Variants in LDB2 observed in about 807,000 individuals in gnomAD.
The protein encoded by LDB2 is LIM domain-binding protein 2.
LDB2 carries 12 observed loss-of-function variants against 44.3 expected under a neutral mutation model. The ratio of observed to expected loss-of-function variants is 0.27; its 90% CI spans 0.17 to 0.44. The LOEUF (loss-of-function observed/expected upper bound fraction) is 0.44, where lower values mean the gene tolerates loss of function less well. Among genes scored for constraint, LDB2 ranks in the 20% least tolerant of loss-of-function variants. LDB2 has a pLI of 1.00. For synonymous variants in LDB2, 164 were observed against 174.8 expected, an observed-to-expected ratio of 0.94 and a Z score of 0.49; for missense variants, 344 against 473.5, an observed-to-expected ratio of 0.73 and a Z score of 2.54.
At chr4:16,750,602 C>T (rs1223567989) in intron 2 of LDB2, among the ~76,000 whole-genome samples, 6 of 152,152 alleles carry the variant, frequency 3.9e-5, no homozygotes, top group Non-Finnish European at 7.3e-5. Context: ...CATGCTCACA[C>T]CACATTGTAG....
intron 2 of LDB2, among the ~76,000 whole-genome samples, chr4:16,634,968 A>G (rs942085980): frequency 7.9e-5 from 12 of 152,228 alleles, no homozygotes; most frequent in Non-Finnish European, 1.5e-4. Context: ...GCCATAAAAA[A>G]GGATGAGTTC....
chr4:16,676,209 T>G (rs1363706128), intron 2 of LDB2, among the ~76,000 whole-genome samples: 1 of 152,258 alleles, frequency 6.6e-6, no homozygotes, highest in Non-Finnish European at 1.5e-5. Flanking sequence ...TAAATGAATT[T>G]CTTCTTTGTT....
At chr4:16,617,126 TC>T (rs1259374393) in intron 2 of LDB2, among the ~76,000 whole-genome samples, 1 of 152,060 alleles carries the variant, frequency 6.6e-6, no homozygotes, top group Non-Finnish European at 1.5e-5. Context: ...CCGGACGTGA[TC>T]CCCAGTTTTA....
chr4:16,514,237 A>C (rs1388731563), intron 5 of LDB2, among the ~76,000 whole-genome samples: 1 of 152,156 alleles, frequency 6.6e-6, no homozygotes, highest in Non-Finnish European at 1.5e-5. Flanking sequence ...TAAAACTTTG[A>C]TTCAATAAAT....
rs557899142 is a variant in LDB2 at position 16,844,574 on chromosome 4, G to C, written c.132+53780C>G. On this transcript the variant is annotated intron_variant, in intron 1 of 7. Coordinates refer to ENST00000304523, the MANE Select transcript of LDB2 (RefSeq NM_001290.5). ...ATTCTGCTTTTTGATGGGGTAACTG[G>C]GATACATCCTTAAAGCACAAAGTGT... Among the ~76,000 whole-genome samples, 85 of 152,022 alleles carry C rather than the reference G, an allele frequency of 5.6e-4. 1 individual carries two copies. Among genetic ancestry groups the C allele is most frequent in the African/African-American group, 2.0e-3 (81 of 41,458 alleles).
At chr4:16,651,852 G>A (rs1449661109) in intron 2 of LDB2, among the ~76,000 whole-genome samples, 2 of 152,174 alleles carry the variant, frequency 1.3e-5, no homozygotes, top group East Asian at 3.8e-4. Context: ...CCAGGTGGGA[G>A]GTGGCGTGCC....
intron 2 of LDB2, among the ~76,000 whole-genome samples, chr4:16,625,947 G>A (rs1730178937): frequency 2.0e-5 from 3 of 152,104 alleles, no homozygotes; most frequent in African/African-American, 7.2e-5. Flanking sequence ...TCCAACACTG[G>A]TTTGTGTTGG....
intron 2 of LDB2, among the ~76,000 whole-genome samples, chr4:16,718,542 A>T (rs926062566): frequency 6.6e-6 from 1 of 152,140 alleles, no homozygotes; most frequent in Non-Finnish European, 1.5e-5. Flanking sequence ...GTATATGTGT[A>T]GTCATTGACC....
At chr4:16,784,801 T>C (rs1010557934) in intron 1 of LDB2, among the ~76,000 whole-genome samples, 7 of 152,172 alleles carry the variant, frequency 4.6e-5, no homozygotes, top group African/African-American at 1.7e-4. Flanking sequence ...CTCTCCATTA[T>C]ATACCCTATG....
chr4:16,586,283 C>A (rs41268383), intron 4 of LDB2, among the ~76,000 whole-genome samples: 5 of 151,852 alleles, frequency 3.3e-5, no homozygotes, highest in African/African-American at 1.2e-4. Flanking sequence ...CTTGGAGAGG[C>A]CTTGGCACTC....
At chr4:16,658,858 A>G (rs1740668324) in intron 2 of LDB2, among the ~76,000 whole-genome samples, 1 of 152,222 alleles carries the variant, frequency 6.6e-6, no homozygotes, top group South Asian at 2.1e-4. Flanking sequence ...AGTAAGGCTC[A>G]GAAGGGTTAA....
chr4:16,616,820 T>C (rs915066579), intron 2 of LDB2, among the ~76,000 whole-genome samples: 5 of 152,208 alleles, frequency 3.3e-5, no homozygotes, highest in Non-Finnish European at 7.3e-5. Flanking sequence ...ATGTATTATG[T>C]ACCTAGGCAG....
At chr4:16,819,426 G>T (rs1423268188) in intron 1 of LDB2, among the ~76,000 whole-genome samples, 1 of 82,040 alleles carries the variant, frequency 1.2e-5, no homozygotes. Flanking sequence ...GGTCAAAGAA[G>T]AACCCTCCCT....
chr4:16,816,271 T>C (rs926003511), intron 1 of LDB2, among the ~76,000 whole-genome samples: 1 of 152,174 alleles, frequency 6.6e-6, no homozygotes, highest in Non-Finnish European at 1.5e-5. Flanking sequence ...TGTGTGGATA[T>C]CCATGGTATT....
Position 16,502,079 on chromosome 4 carries a change from C to T in LDB2, c.*564G>A, listed in dbSNP as rs1191462171. 1 of 153,300 alleles carries T rather than the reference C, an allele frequency of 6.5e-6. No individual in the cohort carries two copies. Among genetic ancestry groups the T allele is most frequent in the Non-Finnish European group, 1.5e-5 (1 of 68,686 alleles). The allele number at this position is 153,300 out of a possible 1,614,324, so 9.5% of individuals were successfully genotyped here. On this transcript the variant is annotated 3_prime_UTR_variant, in exon 8 of 8. Transcript: ENST00000304523. ...CAACCATAAATTACCTTGCTGGGCC[C>T]TCTTAGCTGTTGCCCAATGAAAGAA...
At chr4:16,534,688 C>G (rs797019749) in intron 5 of LDB2, among the ~76,000 whole-genome samples, 6 of 152,266 alleles carry the variant, frequency 3.9e-5, no homozygotes, top group African/African-American at 1.4e-4. Flanking sequence ...TTTTCACTTT[C>G]TAAGATGAAT....
chr4:16,763,713 T>A (rs192941003), intron 1 of LDB2, among the ~76,000 whole-genome samples: 1 of 152,322 alleles, frequency 6.6e-6, no homozygotes, highest in Admixed American at 6.5e-5. Flanking sequence ...CATTTTATAT[T>A]CACAACTACC....
At chr4:16,581,784 C>A (rs1448197967) in intron 5 of LDB2, among the ~76,000 whole-genome samples, 1 of 152,128 alleles carries the variant, frequency 6.6e-6, no homozygotes, top group African/African-American at 2.4e-5. Flanking sequence ...TGAACTGCCA[C>A]TTACCAGTTC....
chr4:16,701,162 G>A (rs184779673), intron 2 of LDB2, among the ~76,000 whole-genome samples: 465 of 152,262 alleles, frequency 3.1e-3, no homozygotes, highest in African/African-American at 0.011. Context: ...GGCAAGCAAA[G>A]GGCAAAATAA....
Sources: gnomAD v4.1 joint callset for allele counts (sites outside exome capture counted in the v4.1 genomes callset) on GRCh38, gnomAD v4.1.1 for gene constraint, MANE v1.5 for transcripts, NCBI Gene and HGNC (gene_info 2026-07-23, HGNC 2026-07-21) for gene names.